The following GRIK4 variants were observed in gnomAD, a reference collection of about 807,000 sequenced individuals.
GRIK4 encodes the protein glutamate ionotropic receptor kainate type subunit 4.
A neutral mutation model predicts 104.9 loss-of-function variants in GRIK4; 40 were observed. That is an observed-to-expected ratio of 0.38 (90% CI 0.30 to 0.50). The LOEUF (loss-of-function observed/expected upper bound fraction) is 0.50. Among genes scored for constraint, GRIK4 ranks in the 20% least tolerant of loss-of-function variants. The probability of loss-of-function intolerance (pLI) is 0.93; values close to 1 mark genes in which losing one functional copy is unlikely to be tolerated. For synonymous variants in GRIK4, 485 were observed against 524.9 expected, an observed-to-expected ratio of 0.92 and a Z score of 1.04; for missense variants, 1,047 against 1,308.1, an observed-to-expected ratio of 0.80 and a Z score of 3.08.
intron 1 of GRIK4, among the ~76,000 whole-genome samples, chr11:120,554,594 T>G (rs909087543): frequency 2.0e-5 from 3 of 151,658 alleles, no homozygotes; most frequent in Non-Finnish European, 4.4e-5. Flanking sequence ...GAGCTCGCCC[T>G]GTCGCCCAGG....
At chr11:120,676,932 T>C (rs1950107414) in intron 3 of GRIK4, among the ~76,000 whole-genome samples, 1 of 152,244 alleles carries the variant, frequency 6.6e-6, no homozygotes, top group Non-Finnish European at 1.5e-5. Context: ...AACCTTCTCA[T>C]GAGCAGTTCC....
Position 120,952,037 on chromosome 11 carries a change from A to G in GRIK4, c.1591-818A>G, listed in dbSNP as rs1308062705. Among the ~76,000 whole-genome samples, 3 of 152,210 alleles carry G rather than the reference A, an allele frequency of 2.0e-5. No homozygotes were observed. Among genetic ancestry groups the G allele is most frequent in the African/African-American group, 7.2e-5 (3 of 41,450 alleles). On this transcript the variant is annotated intron_variant, in intron 14 of 20. Transcript: ENST00000527524. The surrounding 1 kb of genome is among the most constrained non-coding windows in gnomAD (Gnocchi z 5.2). ...CCACACGGCTAAAGACTTGGAGCAGATGACTTAACTCCATCCTTCTCATTC... is the reference window on the plus strand; with the variant it reads ...CCACACGGCTAAAGACTTGGAGCAGGTGACTTAACTCCATCCTTCTCATTC...
intron 4 of GRIK4, among the ~76,000 whole-genome samples, chr11:120,804,067 C>A (rs1294324368): frequency 2.0e-5 from 3 of 152,136 alleles, no homozygotes; most frequent in Non-Finnish European, 4.4e-5. Flanking sequence ...CAAGACTAGG[C>A]CCAAGTTAGT....
chr11:120,590,587 A>G (rs975243078), intron 1 of GRIK4, among the ~76,000 whole-genome samples: 1 of 152,206 alleles, frequency 6.6e-6, no homozygotes, highest in Non-Finnish European at 1.5e-5. Flanking sequence ...CTTCAATTGT[A>G]GAGTGAATAA....
chr11:120,971,020 G>A (rs937699450), intron 19 of GRIK4, among the ~76,000 whole-genome samples: 1 of 152,174 alleles, frequency 6.6e-6, no homozygotes, highest in African/African-American at 2.4e-5. Flanking sequence ...GGGCTGTTGC[G>A]AAGGTTGAGT....
At chr11:120,756,411 T>C (rs1456826490) in intron 3 of GRIK4, among the ~76,000 whole-genome samples, 1 of 152,170 alleles carries the variant, frequency 6.6e-6, no homozygotes, top group African/African-American at 2.4e-5. Context: ...CCCAGTGTCC[T>C]GTGCCACATA....
intron 14 of GRIK4, among the ~76,000 whole-genome samples, chr11:120,944,781 G>T (rs191313374): frequency 1.4e-3 from 206 of 152,280 alleles, no homozygotes; most frequent in African/African-American, 4.8e-3. Context: ...GACTGTCTGG[G>T]TTTATTCCCA....
chr11:120,779,586 A>G (rs1350233370), intron 3 of GRIK4, among the ~76,000 whole-genome samples: 2 of 152,222 alleles, frequency 1.3e-5, no homozygotes, highest in Admixed American at 1.3e-4. Context: ...CTGGATTCAA[A>G]GTCGTGGTGA....
intron 1 of GRIK4, among the ~76,000 whole-genome samples, chr11:120,631,234 G>C (rs1007395928): frequency 1.3e-5 from 2 of 152,236 alleles, no homozygotes; most frequent in Admixed American, 6.5e-5. Context: ...AGTTCTGACA[G>C]TGTTGGCTCT....
At position 120,835,905 on chromosome 11, in the gene GRIK4, T is replaced by C. The variant is rs148736371; in HGVS notation, c.691-886T>C. Among the ~76,000 whole-genome samples, 35 of 152,304 alleles carry C rather than the reference T, an allele frequency of 2.3e-4. No homozygotes were observed. The East Asian group carries it at 6.7e-3, about 29-fold the overall frequency. On this transcript the variant is annotated intron_variant, in intron 7 of 20. Transcript: ENST00000527524. ...CTCTTCTGATGTAGCAGTTCTCAAC[T>C]GTGGAGTGATGCCACACTGATGCGC...
intron 1 of GRIK4, among the ~76,000 whole-genome samples, chr11:120,538,202 C>T (rs372569823): frequency 4.2e-4 from 64 of 152,344 alleles, no homozygotes; most frequent in South Asian, 1.4e-3. Context: ...GTCCCCAGGA[C>T]GAGGCTGCTT....
At chr11:120,595,828 C>T (rs1480982561) in intron 1 of GRIK4, among the ~76,000 whole-genome samples, 1 of 152,124 alleles carries the variant, frequency 6.6e-6, no homozygotes, top group Non-Finnish European at 1.5e-5. Context: ...GCACTGTAGG[C>T]CCCTGATTGC....
intron 3 of GRIK4, among the ~76,000 whole-genome samples, chr11:120,751,162 C>T (rs982357493): frequency 2.2e-4 from 34 of 151,966 alleles, no homozygotes; most frequent in African/African-American, 7.3e-4. Flanking sequence ...CACCCAGACT[C>T]CCTACTTCAA....
chr11:120,595,553 C>A (rs1207301355), intron 1 of GRIK4, among the ~76,000 whole-genome samples: 1 of 152,184 alleles, frequency 6.6e-6, no homozygotes, highest in African/African-American at 2.4e-5. Context: ...ATCTTCCTGA[C>A]CTTATCCTCT....
chr11:120,934,289 A>AG (rs1565448205), intron 13 of GRIK4, among the ~76,000 whole-genome samples: 1 of 151,686 alleles, frequency 6.6e-6, no homozygotes, highest in Non-Finnish European at 1.5e-5. Context: ...TTTGCCCGAA[A>AG]GGGGGCAGCA....
At chr11:120,966,608 G>A (rs1287144438) in intron 18 of GRIK4, among the ~76,000 whole-genome samples, 1 of 152,202 alleles carries the variant, frequency 6.6e-6, no homozygotes, top group African/African-American at 2.4e-5. Context: ...CTTGCCTCAA[G>A]TGATCCGCCC....
chr11:120,652,283 C>T (rs577201213), intron 1 of GRIK4, among the ~76,000 whole-genome samples: 104 of 152,366 alleles, frequency 6.8e-4, no homozygotes, highest in Admixed American at 1.1e-3. Context: ...CTAATTCCCT[C>T]ATTTTACAGA....
intron 3 of GRIK4, among the ~76,000 whole-genome samples, chr11:120,677,778 G>A (rs1300772295): frequency 1.3e-5 from 2 of 152,208 alleles, no homozygotes; most frequent in African/African-American, 2.4e-5. Flanking sequence ...TTCTTTTGTT[G>A]CTGCCTAGAG....
intron 13 of GRIK4, among the ~76,000 whole-genome samples, chr11:120,924,711 G>A (rs554884877): frequency 7.2e-5 from 11 of 152,232 alleles, no homozygotes; most frequent in South Asian, 4.1e-4. Flanking sequence ...AACCTTAGAC[G>A]TTGCTGTGGG....
Sources: allele counts gnomAD v4.1 joint callset (sites outside exome capture counted in the v4.1 genomes callset), GRCh38; gene constraint gnomAD v4.1.1; non-coding constraint Gnocchi (gnomAD v3.1); transcripts MANE v1.5; gene names NCBI Gene and HGNC (gene_info 2026-07-23, HGNC 2026-07-21).